The following RERG variants were observed in gnomAD, a reference collection of about 807,000 sequenced individuals.
RERG encodes ras-related and estrogen-regulated growth inhibitor.
RERG carries 25 observed loss-of-function variants against 23.2 expected under a neutral mutation model. That is an observed-to-expected ratio of 1.08 (90% CI 0.79 to 1.50). The LOEUF is 1.50. Ranked by LOEUF, RERG falls within the 40% of genes most tolerant of loss-of-function variation. The pLI, the probability that RERG is intolerant of heterozygous loss-of-function variation, is 0.00. For synonymous variants in RERG, 81 were observed against 89.1 expected, an observed-to-expected ratio of 0.91 and a Z score of 0.51; for missense variants, 253 against 250.1, an observed-to-expected ratio of 1.01 and a Z score of -0.08.
At chr12:15,150,824 T>C (rs1478274062) in intron 2 of RERG, among the ~76,000 whole-genome samples, 2 of 152,170 alleles carry the variant, frequency 1.3e-5, no homozygotes, top group Non-Finnish European at 2.9e-5. Context: ...TGGGAGGTTA[T>C]AGGGAAGAAT....
chr12:15,157,340 C>A (rs34823927), intron 2 of RERG, among the ~76,000 whole-genome samples: 7,681 of 152,246 alleles, frequency 0.05, 267 homozygotes, highest in Middle Eastern at 0.086. Flanking sequence ...AAATATTTTA[C>A]AATCCATCCA....
chr12:15,143,521 A>G (rs1864276698), intron 2 of RERG, among the ~76,000 whole-genome samples: 1 of 152,134 alleles, frequency 6.6e-6, no homozygotes, highest in Non-Finnish European at 1.5e-5. Flanking sequence ...ATATTAACTA[A>G]TACCTACTAT....
chr12:15,132,867 T>A (rs1364433425), intron 2 of RERG, among the ~76,000 whole-genome samples: 1 of 151,938 alleles, frequency 6.6e-6, no homozygotes, highest in Non-Finnish European at 1.5e-5. Flanking sequence ...GTCTGTTAGA[T>A]CTTTGGCCCA....
rs1393389180 is a variant in RERG at position 15,111,427 on chromosome 12, T to G, written c.119-10A>C. ...TGTCGGTAGGTTGATTCTAAGGGAA[T>G]GAGCAAATAAAAAAGACAAAAAGAT... On this transcript the variant is annotated splice_polypyrimidine_tract_variant and intron_variant, in intron 3 of 4. Transcript: ENST00000256953. 3 of 1,597,446 alleles carry G rather than the reference T, an allele frequency of 1.9e-6. No individual in the cohort carries two copies. Among genetic ancestry groups the G allele is most frequent in the Non-Finnish European group, 1.7e-6 (2 of 1,172,974 alleles).
At chr12:15,199,463 G>A (rs1307531344) in intron 2 of RERG, among the ~76,000 whole-genome samples, 2 of 152,028 alleles carry the variant, frequency 1.3e-5, no homozygotes, top group Non-Finnish European at 2.9e-5. Flanking sequence ...CTGAGTCTAC[G>A]TTGGAGGTAG....
At chr12:15,115,059 A>G (rs1290096982) in intron 3 of RERG, among the ~76,000 whole-genome samples, 1 of 152,104 alleles carries the variant, frequency 6.6e-6, no homozygotes, top group East Asian at 1.9e-4. Context: ...AAATGCATGG[A>G]TCTTAAAAAT....
chr12:15,153,256 T>C (rs1377733289), intron 2 of RERG, among the ~76,000 whole-genome samples: 7 of 152,082 alleles, frequency 4.6e-5, no homozygotes, highest in Non-Finnish European at 8.8e-5. Flanking sequence ...TGATGGGTGC[T>C]TGATTTTAAA....
chr12:15,118,259 T>C (rs1382299988), intron 3 of RERG, among the ~76,000 whole-genome samples: 5 of 152,080 alleles, frequency 3.3e-5, no homozygotes, highest in Non-Finnish European at 5.9e-5. Context: ...CTTGCTACTA[T>C]AGTAGCAAGC....
intron 2 of RERG, among the ~76,000 whole-genome samples, chr12:15,166,265 A>C (rs1864685864): frequency 6.6e-6 from 1 of 152,240 alleles, no homozygotes; most frequent in Non-Finnish European, 1.5e-5. Flanking sequence ...AAAGGTATTG[A>C]AAATAAATAG....
At chr12:15,153,988 A>C (rs1388686840) in intron 2 of RERG, among the ~76,000 whole-genome samples, 1 of 152,152 alleles carries the variant, frequency 6.6e-6, no homozygotes, top group Non-Finnish European at 1.5e-5. Context: ...TAAGGAGAAC[A>C]CCATCTGCAA....
intron 2 of RERG, among the ~76,000 whole-genome samples, chr12:15,205,902 T>A (rs532464258): frequency 1.4e-4 from 22 of 152,206 alleles, no homozygotes; most frequent in African/African-American, 5.1e-4. Context: ...CAATTTAATA[T>A]CATTTTTCCA....
At chr12:15,184,058 C>G (rs1034302395) in intron 2 of RERG, among the ~76,000 whole-genome samples, 1 of 152,142 alleles carries the variant, frequency 6.6e-6, no homozygotes, top group Non-Finnish European at 1.5e-5. Flanking sequence ...ACACATCAAA[C>G]CCAGTGACAC....
intron 1 of RERG, chr12:15,217,919 A>G (rs1000200206): frequency 5.9e-6 from 1 of 170,730 alleles, no homozygotes; most frequent in Admixed American, 6.1e-5. Context: ...AAAAGTGAAT[A>G]CACACATTTA....
chr12:15,182,267 A>G (rs2136129577), intron 2 of RERG, among the ~76,000 whole-genome samples: 1 of 152,182 alleles, frequency 6.6e-6, no homozygotes, highest in African/African-American at 2.4e-5. Context: ...CATGTTGGTC[A>G]GGCTGGTCTC....
At chr12:15,152,787 G>A (rs1050897624) in intron 2 of RERG, among the ~76,000 whole-genome samples, 12 of 152,080 alleles carry the variant, frequency 7.9e-5, no homozygotes, top group African/African-American at 2.9e-4. Context: ...GATCTAGCAT[G>A]CATGTTCTTA....
At chr12:15,149,902 C>T (rs1280646644) in intron 2 of RERG, among the ~76,000 whole-genome samples, 3 of 152,216 alleles carry the variant, frequency 2.0e-5, no homozygotes, top group African/African-American at 4.8e-5. Flanking sequence ...CATTACTAAT[C>T]GATCATGTCA....
chr12:15,122,056 A>C (rs917491567), intron 2 of RERG, among the ~76,000 whole-genome samples: 2 of 152,072 alleles, frequency 1.3e-5, no homozygotes, highest in Admixed American at 6.5e-5. Flanking sequence ...GCGGGATGTC[A>C]CAGGCACTTA....
chr12:15,190,432 G>C (rs1265449956), intron 2 of RERG, among the ~76,000 whole-genome samples: 1 of 152,128 alleles, frequency 6.6e-6, no homozygotes, highest in Non-Finnish European at 1.5e-5. Flanking sequence ...GGACAAGTTT[G>C]GTAAATAGTG....
intron 4 of RERG, among the ~76,000 whole-genome samples, chr12:15,110,403 G>A (rs1319672519): frequency 6.8e-6 from 1 of 146,918 alleles, no homozygotes; most frequent in Non-Finnish European, 1.5e-5. Context: ...GGGGTCACAG[G>A]TAATTGATAA....
Sources: allele counts gnomAD v4.1 joint callset (sites outside exome capture counted in the v4.1 genomes callset), GRCh38; gene constraint gnomAD v4.1.1; transcripts MANE v1.5; gene names NCBI Gene and HGNC (gene_info 2026-07-23, HGNC 2026-07-21).